Variants in FRRS1 observed in about 807,000 individuals in gnomAD.
FRRS1 encodes ferric chelate reductase 1.
In FRRS1, 51 loss-of-function variants were observed where a neutral mutation model predicts 70.7. That is an observed-to-expected ratio of 0.72 (90% CI 0.58 to 0.91). The LOEUF is 0.91. Among genes scored for constraint, FRRS1 ranks in the 40% least tolerant of loss-of-function variants. FRRS1 has a pLI of 0.00. For missense variants in FRRS1, 672 were observed against 726.0 expected (o/e 0.93, Z 0.86); for synonymous variants, 225 against 238.7 (o/e 0.94, Z 0.53).
intron 8 of FRRS1, 90 bp from the exon 9 acceptor site, chr1:99,728,730 T>C: frequency 9.0e-7 from 1 of 1,113,814 alleles, no homozygotes; most frequent in South Asian, 1.7e-5. Context: ...TTCAGTTTCC[T>C]TTCTCTAAGA....
intron 1 of FRRS1, among the ~76,000 whole-genome samples, chr1:99,762,513 A>G (rs186595490): frequency 1.3e-3 from 174 of 135,744 alleles, no homozygotes; most frequent in Admixed American, 4.4e-3. Context: ...CTGTAGGATC[A>G]TCACTTCCAC....
intron 12 of FRRS1, among the ~76,000 whole-genome samples, chr1:99,712,979 A>T (rs1407705816): frequency 8.0e-6 from 1 of 124,720 alleles, no homozygotes; most frequent in Non-Finnish European, 1.6e-5. Flanking sequence ...ACATCAGAAC[A>T]GCCATCTGCA....
chr1:99,721,176 C>T (rs1654802674), intron 9 of FRRS1, among the ~76,000 whole-genome samples: 2 of 151,934 alleles, frequency 1.3e-5, no homozygotes, highest in African/African-American at 4.8e-5. Context: ...GTCAAGAGTT[C>T]GAGACCAGCC....
In FRRS1 at chr1:99,705,948, G is replaced by T. The variant is rs1654026405; in HGVS notation, c.*3080C>A. 6.6e-6 allele frequency among the ~76,000 whole-genome samples: 1 copy of T among 152,064 alleles called. No homozygotes were observed. ...AATTTAACAATAATTACTATCAAAA[G>T]AAATAACTTTTGAAAAACTTCCCAG... is the stretch of plus-strand genomic sequence containing the variant. On this transcript the variant is annotated 3_prime_UTR_variant, in exon 17 of 17. Transcript: ENST00000646001.
intron 12 of FRRS1, among the ~76,000 whole-genome samples, chr1:99,714,757 T>G (rs1003213779): frequency 6.6e-6 from 1 of 152,150 alleles, no homozygotes; most frequent in Admixed American, 6.5e-5. Context: ...GATCTAACAA[T>G]GGAATCCCAG....
At position 99,753,070 on chromosome 1, in the gene FRRS1, G is replaced by A. The variant is rs181019997; in HGVS notation, c.-105-4069C>T. Among the ~76,000 whole-genome samples, 105 of 150,774 alleles carry A rather than the reference G, an allele frequency of 7.0e-4. 1 individual carries two copies. The highest frequency in any genetic ancestry group is 2.4e-3 in the African/African-American group (99 of 41,002). On this transcript the variant is annotated intron_variant, in intron 1 of 16. Coordinates refer to ENST00000646001, the MANE Select transcript of FRRS1 (RefSeq NM_001361041.2). The stretch of plus-strand genomic sequence containing the variant: ...TCTACAAAAAATGAAAAAATTAGCT[G>A]GCTGTGGTGGCACGTGCCTATGACC...
chr1:99,728,780 C>T (rs543772044), intron 8 of FRRS1, 140 bp from the exon 9 acceptor site: 68 of 581,574 alleles, frequency 1.2e-4, no homozygotes, highest in Middle Eastern at 8.3e-4. Flanking sequence ...ATTGTTTTTC[C>T]ACTTCCTCTT....
chr1:99,728,630 T>C lies in FRRS1; in HGVS notation c.869A>G (p.Glu290Gly), dbSNP rs530108609. The change falls in exon 9 of 17, where the codon GAG becomes GGG. Residue 290 changes from glutamate (E) to glycine (G), a missense_variant. Transcript: ENST00000646001. ...HPVMDSRDTL[E>G]DMAWRLADGV... ...GTCCGCCAACCTCCAAGCCATATCCTCAAGGGTATCCTACAAACACACACA... is the reference window on the plus strand; with the variant it reads ...GTCCGCCAACCTCCAAGCCATATCCCCAAGGGTATCCTACAAACACACACA... The C allele has an allele frequency of 2.5e-6, 4 of 1,613,400 alleles. No individual in the cohort carries two copies. Among genetic ancestry groups the C allele is most frequent in the South Asian group, 2.2e-5 (2 of 91,040 alleles).
intron 1 of FRRS1, among the ~76,000 whole-genome samples, chr1:99,766,373 TGGA>T (rs1220791696): frequency 5.9e-5 from 9 of 152,158 alleles, no homozygotes; most frequent in African/African-American, 2.2e-4. Context: ...ACCCATATCT[TGGA>T]ATTAAAGCTT....
At chr1:99,741,546 T>TAAA (rs1229730488) in intron 5 of FRRS1, among the ~76,000 whole-genome samples, 1 of 152,220 alleles carries the variant, frequency 6.6e-6, no homozygotes, top group African/African-American at 2.4e-5. Flanking sequence ...AACATTCCAT[T>TAAA]TCCCCTTGTA....
At chr1:99,729,004 C>T (rs1312740993) in intron 8 of FRRS1, among the ~76,000 whole-genome samples, 1 of 152,210 alleles carries the variant, frequency 6.6e-6, no homozygotes, top group African/African-American at 2.4e-5. Flanking sequence ...GGCCAAAATG[C>T]AACATGCAAC....
chr1:99,710,704 G>T, intron 15 of FRRS1, 102 bp downstream of exon 15: 1 of 983,072 alleles, frequency 1.0e-6, no homozygotes. Flanking sequence ...TTTTTAGTGA[G>T]CTAACAATGT....
chr1:99,721,875 G>A (rs1286087806), intron 9 of FRRS1, among the ~76,000 whole-genome samples: 3 of 151,952 alleles, frequency 2.0e-5, no homozygotes, highest in East Asian at 1.9e-4. Context: ...GGGATAATAG[G>A]AGTGAGCAAC....
chr1:99,764,865 T>C (rs992712762), intron 1 of FRRS1, among the ~76,000 whole-genome samples: 2 of 152,244 alleles, frequency 1.3e-5, no homozygotes, highest in African/African-American at 4.8e-5. Flanking sequence ...CTTTCTTGGA[T>C]TCTTGCCTAA....
chr1:99,710,983 T>C lies in FRRS1; in HGVS notation c.1481-34A>G, dbSNP rs765233042. ...AAAAGAAAAAAGTTACATTCAAATGTAGTCCCACCAAGAGAGACAATTGTG... is the reference window on the plus strand; with the variant it reads ...AAAAGAAAAAAGTTACATTCAAATGCAGTCCCACCAAGAGAGACAATTGTG... On this transcript the variant is annotated intron_variant, in intron 14 of 16. Coordinates refer to ENST00000646001, the MANE Select transcript of FRRS1 (RefSeq NM_001361041.2). 7 of 1,589,380 alleles carry C rather than the reference T, an allele frequency of 4.4e-6. No individual in the cohort carries two copies. The South Asian group carries it at 7.9e-5, about 18-fold the overall frequency.
At chr1:99,762,266 A>C (rs1657142167) in intron 1 of FRRS1, among the ~76,000 whole-genome samples, 1 of 152,232 alleles carries the variant, frequency 6.6e-6, no homozygotes, top group Non-Finnish European at 1.5e-5. Context: ...GAAACTCCAT[A>C]AGCGTTAGTT....
chr1:99,719,624 G>T lies in FRRS1; in HGVS notation c.1030C>A (p.Gln344Lys). ...TATTTTTCATAGGTAATCAAAGGTTGCTGAGAGTGCTTGTAAATTCGACCT... is the reference window on the plus strand; with the variant it reads ...TATTTTTCATAGGTAATCAAAGGTTTCTGAGAGTGCTTGTAAATTCGACCT... ...NDGRIYKHSQ[Q>K]PLITYEKYDV... Residue 344 changes from glutamine (Q) to lysine (K), a missense_variant, in exon 10 of 17, where the codon CAA (glutamine) becomes AAA (lysine). Coordinates refer to ENST00000646001, the MANE Select transcript of FRRS1 (RefSeq NM_001361041.2). 3 of 1,603,506 alleles carry T rather than the reference G, an allele frequency of 1.9e-6. No individual in the cohort carries two copies. The highest frequency in any genetic ancestry group is 2.6e-6 in the Non-Finnish European group (3 of 1,171,590).
At chr1:99,758,827 C>A (rs2788518) in intron 1 of FRRS1, among the ~76,000 whole-genome samples, 2 of 151,580 alleles carry the variant, frequency 1.3e-5, no homozygotes, top group African/African-American at 4.9e-5. Context: ...TATTAATACC[C>A]TGGGAAAGGA....
chr1:99,739,718 T>G (rs916557623), intron 6 of FRRS1, among the ~76,000 whole-genome samples: 2 of 152,218 alleles, frequency 1.3e-5, no homozygotes, highest in African/African-American at 4.8e-5. Flanking sequence ...TTATTTTAAT[T>G]CTTACAGTGA....
Sources: gnomAD v4.1 joint callset for allele counts (sites outside exome capture counted in the v4.1 genomes callset) on GRCh38, gnomAD v4.1.1 for gene constraint, MANE v1.5 for transcripts, NCBI Gene and HGNC (gene_info 2026-07-23, HGNC 2026-07-21) for gene names.